Variants in SUPT3H observed in about 807,000 individuals in gnomAD.
SUPT3H encodes the protein SPT3 homolog, SAGA and STAGA complex component.
SUPT3H carries 44 observed loss-of-function variants against 44.3 expected under a neutral mutation model. The ratio of observed to expected loss-of-function variants is 0.99; its 90% CI spans 0.78 to 1.28. The LOEUF (loss-of-function observed/expected upper bound fraction) is 1.28, where lower values mean the gene tolerates loss of function less well. Ranked by LOEUF, SUPT3H falls within the 50% of genes most tolerant of loss-of-function variation. The pLI is 0.00. For synonymous variants in SUPT3H, 124 were observed against 125.6 expected (o/e 0.99, Z 0.09); for missense variants, 380 against 387.1 (o/e 0.98, Z 0.15).
intron 2 of SUPT3H, among the ~76,000 whole-genome samples, chr6:45,200,298 A>G (rs1762279464): frequency 6.6e-6 from 1 of 151,434 alleles, no homozygotes; most frequent in Non-Finnish European, 1.5e-5. Context: ...TATTGTTTGT[A>G]TAACTGCCAT....
chr6:45,020,097 T>A (rs983962030), intron 4 of SUPT3H, among the ~76,000 whole-genome samples: 1 of 151,966 alleles, frequency 6.6e-6, no homozygotes, highest in Non-Finnish European at 1.5e-5. Flanking sequence ...CTTTATTAAT[T>A]TACTTTTTTC....
intron 3 of SUPT3H, among the ~76,000 whole-genome samples, chr6:45,090,879 A>C (rs1260170843): frequency 6.6e-6 from 1 of 151,876 alleles, no homozygotes; most frequent in Non-Finnish European, 1.5e-5. Context: ...TATTATCATC[A>C]AATCTTACAT....
chr6:45,236,079 C>T (rs1464930521), intron 2 of SUPT3H, among the ~76,000 whole-genome samples: 1 of 152,142 alleles, frequency 6.6e-6, no homozygotes, highest in African/African-American at 2.4e-5. Context: ...CACTGGCTTG[C>T]TGTCAATAAA....
intron 2 of SUPT3H, among the ~76,000 whole-genome samples, chr6:45,263,257 GA>G (rs1432443733): frequency 6.6e-6 from 1 of 152,122 alleles, no homozygotes; most frequent in African/African-American, 2.4e-5. Flanking sequence ...GAGTGGCCTG[GA>G]TAAAGAAAAT....
intron 3 of SUPT3H, among the ~76,000 whole-genome samples, chr6:45,029,521 C>T (rs1161813600): frequency 6.6e-6 from 1 of 151,864 alleles, no homozygotes; most frequent in African/African-American, 2.4e-5. Context: ...GGAACTAATT[C>T]TGTGGTTACT....
At chr6:44,889,641 C>A (rs964026773) in intron 10 of SUPT3H, among the ~76,000 whole-genome samples, 4 of 152,108 alleles carry the variant, frequency 2.6e-5, no homozygotes, top group Non-Finnish European at 5.9e-5. Flanking sequence ...AAACGTTAGA[C>A]CTAAAACCAT....
intron 2 of SUPT3H, among the ~76,000 whole-genome samples, chr6:45,201,754 CCAAA>C (rs1271282268): frequency 6.6e-6 from 1 of 151,832 alleles, no homozygotes; most frequent in East Asian, 1.9e-4. Context: ...AAAGACATTT[CCAAA>C]CAGATAGCTG....
rs1197319775 is a variant in SUPT3H, at chr6:45,187,098, C to CT, written c.102-81093dup. On this transcript the variant is annotated intron_variant, in intron 2 of 10. Coordinates refer to ENST00000371459, the MANE Select transcript of SUPT3H (RefSeq NM_003599.4). ...GGGCAACATGGTGATACTTTTTCGC[C>CT]TTTAAAAAAAAAAAAAAAAAAAAAA... 6.7e-5 allele frequency among the ~76,000 whole-genome samples: 6 copies of CT among 89,216 alleles called. No individual in the cohort carries two copies. In the South Asian group the frequency reaches 1.3e-3, roughly 19 times the overall value. 58.5% of individuals were successfully genotyped at this position (89,216 alleles called of 152,430 possible). A position where few individuals can be genotyped will look rare whatever the true frequency, so the allele number is the denominator to read the frequency against.
chr6:45,293,999 C>T (rs982228202), intron 2 of SUPT3H, among the ~76,000 whole-genome samples: 12 of 152,040 alleles, frequency 7.9e-5, no homozygotes, highest in Admixed American at 7.2e-4. Context: ...GCCATTATCA[C>T]GCTAATACTA....
chr6:45,007,342 T>G (rs1782853972), intron 5 of SUPT3H, among the ~76,000 whole-genome samples: 2 of 152,132 alleles, frequency 1.3e-5, no homozygotes, highest in South Asian at 4.1e-4. Context: ...TATTAATAAT[T>G]GCCTCTCCTC....
At chr6:45,112,649 G>A (rs1279012678) in intron 2 of SUPT3H, among the ~76,000 whole-genome samples, 1 of 152,162 alleles carries the variant, frequency 6.6e-6, no homozygotes, top group Non-Finnish European at 1.5e-5. Flanking sequence ...GTTTCTAACA[G>A]AGGGGAAGGG....
At chr6:44,959,554 T>C (rs1775705501) in intron 7 of SUPT3H, among the ~76,000 whole-genome samples, 1 of 151,996 alleles carries the variant, frequency 6.6e-6, no homozygotes, top group Admixed American at 6.5e-5. Context: ...TTATAGATTA[T>C]AAATTTTAAT....
intron 10 of SUPT3H, among the ~76,000 whole-genome samples, chr6:44,904,086 C>T (rs1170741323): frequency 6.6e-5 from 10 of 152,112 alleles, no homozygotes; most frequent in African/African-American, 2.4e-4. Flanking sequence ...ACAGAATGGG[C>T]AAAAACCGGA....
At chr6:45,028,779 C>A (rs1027693747) in intron 3 of SUPT3H, among the ~76,000 whole-genome samples, 1 of 150,102 alleles carries the variant, frequency 6.7e-6, no homozygotes, top group Non-Finnish European at 1.5e-5. Context: ...ATTTCTTATT[C>A]AGAATAGAGG....
chr6:45,130,108 A>C (rs946923540), intron 2 of SUPT3H, among the ~76,000 whole-genome samples: 4 of 152,204 alleles, frequency 2.6e-5, no homozygotes, highest in Non-Finnish European at 5.9e-5. Context: ...TGAAACCATC[A>C]CATTAATCTA....
chr6:45,105,064 C>CA (rs1799084906), intron 3 of SUPT3H, among the ~76,000 whole-genome samples: 1 of 151,762 alleles, frequency 6.6e-6, no homozygotes, highest in African/African-American at 2.4e-5. Context: ...TATACATATA[C>CA]TAAACCCTTA....
At chr6:45,333,088 C>T (rs1219913075) in intron 2 of SUPT3H, among the ~76,000 whole-genome samples, 1 of 151,630 alleles carries the variant, frequency 6.6e-6, no homozygotes, top group Non-Finnish European at 1.5e-5. Flanking sequence ...TGTGAAAATT[C>T]TTCATCAAAT....
At chr6:44,880,325 T>C (rs1408113892) in intron 10 of SUPT3H, among the ~76,000 whole-genome samples, 4 of 151,832 alleles carry the variant, frequency 2.6e-5, no homozygotes. Context: ...AGAAAGGATA[T>C]CAGAGATTGA....
chr6:45,245,636 A>G (rs981007770), intron 2 of SUPT3H, among the ~76,000 whole-genome samples: 6 of 152,178 alleles, frequency 3.9e-5, no homozygotes, highest in South Asian at 2.1e-4. Flanking sequence ...GTAAAACTAA[A>G]TAATATTCCA....
Sources: allele counts gnomAD v4.1 joint callset (sites outside exome capture counted in the v4.1 genomes callset), GRCh38; gene constraint gnomAD v4.1.1; transcripts MANE v1.5; gene names NCBI Gene and HGNC (gene_info 2026-07-23, HGNC 2026-07-21).